Variants in MEF2A observed in about 807,000 individuals in gnomAD.
MEF2A encodes myocyte-specific enhancer factor 2A.
MEF2A carries 28 observed loss-of-function variants against 55.8 expected under a neutral mutation model. That is an observed-to-expected ratio of 0.50 (90% confidence interval 0.37 to 0.69). The LOEUF is 0.69. Among genes scored for constraint, MEF2A ranks in the 30% least tolerant of loss-of-function variants. The pLI is 0.00. For synonymous variants in MEF2A, 239 were observed against 227.1 expected (o/e 1.05, Z -0.47); for missense variants, 528 against 626.2 (o/e 0.84, Z 1.67).
intron 5 of MEF2A, 45 bp from the exon 6 acceptor site, chr15:99,674,348 G>T: frequency 1.3e-6 from 2 of 1,524,832 alleles, no homozygotes; most frequent in South Asian, 1.3e-5. Context: ...CTTTGTAGAT[G>T]AATACGAAAC....
intron 1 of MEF2A, among the ~76,000 whole-genome samples, chr15:99,572,362 C>G (rs1382742602): frequency 6.6e-6 from 1 of 152,256 alleles, no homozygotes; most frequent in African/African-American, 2.4e-5. Flanking sequence ...TCACTTCTCA[C>G]TCAGAGGCCT....
chr15:99,678,282 A>G (rs1056911152), intron 7 of MEF2A, among the ~76,000 whole-genome samples: 5 of 152,182 alleles, frequency 3.3e-5, no homozygotes, highest in African/African-American at 7.2e-5. Context: ...ACTTACCTCT[A>G]TATGATTAAG....
intron 4 of MEF2A, among the ~76,000 whole-genome samples, chr15:99,658,175 T>C (rs556199364): frequency 6.6e-6 from 1 of 152,282 alleles, no homozygotes; most frequent in East Asian, 1.9e-4. Flanking sequence ...AGTTTCACTT[T>C]CTATGTTTTA....
At chr15:99,652,729 C>T (rs961348496) in intron 4 of MEF2A, among the ~76,000 whole-genome samples, 2 of 152,138 alleles carry the variant, frequency 1.3e-5, no homozygotes, top group Non-Finnish European at 2.9e-5. Context: ...TTAGGTTTCT[C>T]CTTGCATTTC....
At chr15:99,629,147 C>CT (rs2153380185) in intron 2 of MEF2A, among the ~76,000 whole-genome samples, 1 of 152,302 alleles carries the variant, frequency 6.6e-6, no homozygotes, top group South Asian at 2.1e-4. Flanking sequence ...TAAGATCTCT[C>CT]TGGCTGGCTG....
chr15:99,715,168 A>G lies in MEF2A; in HGVS notation c.*2397A>G, dbSNP rs1297001270. The G allele has an allele frequency of 6.6e-6, 1 of 152,244 alleles. No individual in the cohort carries two copies. Among genetic ancestry groups the G allele is most frequent in the East Asian group, 1.9e-4 (1 of 5,200 alleles). 9.4% of individuals were successfully genotyped at this position (152,244 alleles called of 1,614,324 possible). A position where few individuals can be genotyped will look rare whatever the true frequency, so the allele number is the denominator to read the frequency against. On this transcript the variant is annotated 3_prime_UTR_variant, in exon 12 of 12. Coordinates refer to ENST00000557942, the MANE Select transcript of MEF2A (RefSeq NM_001319206.4). The stretch of plus-strand genomic sequence containing the variant: ...AGTCTCCCAACACTGAAGTTCCAAA[A>G]TAATCCTTACCACTTTGTAAACCAT...
At chr15:99,667,281 G>A (rs1178488661) in intron 4 of MEF2A, among the ~76,000 whole-genome samples, 1 of 152,096 alleles carries the variant, frequency 6.6e-6, no homozygotes, top group Non-Finnish European at 1.5e-5. Context: ...GAGTGCAGTG[G>A]CACGATCTCG....
chr15:99,583,679 T>A (rs1009560259), intron 1 of MEF2A, among the ~76,000 whole-genome samples: 6 of 152,074 alleles, frequency 3.9e-5, no homozygotes, highest in Non-Finnish European at 7.4e-5. Flanking sequence ...GAATTAAAAT[T>A]CTAATGAATT....
At chr15:99,619,452 G>C (rs995931016) in intron 2 of MEF2A, among the ~76,000 whole-genome samples, 1 of 152,162 alleles carries the variant, frequency 6.6e-6, no homozygotes, top group Admixed American at 6.5e-5. Flanking sequence ...TTATTTTTCA[G>C]ATTTAAAATG....
chr15:99,677,783 CAA>C (rs57800261), intron 7 of MEF2A, among the ~76,000 whole-genome samples: 2,664 of 152,182 alleles, frequency 0.018, 75 homozygotes, highest in African/African-American at 0.057. Flanking sequence ...CCTTTATGAA[CAA>C]AAGACTGGAG....
intron 7 of MEF2A, among the ~76,000 whole-genome samples, chr15:99,684,320 A>G (rs537365739): frequency 6.6e-6 from 1 of 152,370 alleles, no homozygotes; most frequent in South Asian, 2.1e-4. Flanking sequence ...ACTAGTGTAC[A>G]TTCCCACCAG....
intron 4 of MEF2A, among the ~76,000 whole-genome samples, chr15:99,663,978 G>C (rs2049125311): frequency 6.6e-6 from 1 of 152,146 alleles, no homozygotes. Flanking sequence ...GAAAGGTAAG[G>C]TTGTCAGTAC....
At chr15:99,665,758 C>T (rs879846971) in intron 4 of MEF2A, among the ~76,000 whole-genome samples, 5 of 127,554 alleles carry the variant, frequency 3.9e-5, no homozygotes, top group African/African-American at 1.2e-4. Context: ...AAAAAAAAGC[C>T]ATCAAAAAGT....
At chr15:99,624,007 T>C (rs1447704903) in intron 2 of MEF2A, among the ~76,000 whole-genome samples, 5 of 152,160 alleles carry the variant, frequency 3.3e-5, no homozygotes, top group Non-Finnish European at 1.5e-5. Flanking sequence ...GGTTTCACTA[T>C]GTTGGTCAGT....
At chr15:99,641,984 T>C (rs2045077052) in intron 3 of MEF2A, among the ~76,000 whole-genome samples, 1 of 152,206 alleles carries the variant, frequency 6.6e-6, no homozygotes, top group South Asian at 2.1e-4. Context: ...TTTTGTTTGT[T>C]TGTTTTTGTT....
intron 3 of MEF2A, among the ~76,000 whole-genome samples, chr15:99,643,437 A>G (rs1432092323): frequency 6.6e-6 from 1 of 152,096 alleles, no homozygotes; most frequent in Non-Finnish European, 1.5e-5. Flanking sequence ...GCATATACTC[A>G]TGTCATAAGT....
In MEF2A at chr15:99,662,478, C is replaced by CTT. The variant is rs1182648424; in HGVS notation, c.259-8832_259-8831dup. 1.3e-4 allele frequency among the ~76,000 whole-genome samples: 18 copies of CTT among 142,120 alleles called. 1 individual carries two copies. The highest frequency in any genetic ancestry group is 3.6e-4 in the African/African-American group (14 of 39,038). The allele number at this position is 142,120 out of a possible 152,430, so 93.2% of individuals were successfully genotyped here. A position where few individuals can be genotyped will look rare whatever the true frequency, so the allele number is the denominator to read the frequency against. ...CTTAAGACATGATTTCTTTTTTCCTCTTTTTTTTTTTTTTGAGACAGAGTC... is the reference window on the plus strand; with the variant it reads ...CTTAAGACATGATTTCTTTTTTCCTCTTTTTTTTTTTTTTTTGAGACAGAGTC... On this transcript the variant is annotated intron_variant, in intron 4 of 11. Transcript: ENST00000557942.
intron 4 of MEF2A, among the ~76,000 whole-genome samples, chr15:99,662,715 T>C (rs2048866211): frequency 6.6e-6 from 1 of 152,200 alleles, no homozygotes. Context: ...TGACCTAAAG[T>C]GATCTGCCTG....
intron 2 of MEF2A, among the ~76,000 whole-genome samples, chr15:99,599,404 C>A (rs1336785278): frequency 6.6e-6 from 1 of 151,940 alleles, no homozygotes; most frequent in Admixed American, 6.6e-5. Context: ...TTTTATTTTG[C>A]CCATTTCAGG....
Sources: allele counts gnomAD v4.1 joint callset (sites outside exome capture counted in the v4.1 genomes callset), GRCh38; gene constraint gnomAD v4.1.1; transcripts MANE v1.5; gene names NCBI Gene and HGNC (gene_info 2026-07-23, HGNC 2026-07-21).